Variants in TRAPPC9 observed in about 807,000 individuals in gnomAD.
TRAPPC9 encodes trafficking protein particle complex subunit 9, also known as IKK2 binding protein.
In TRAPPC9, 83 loss-of-function variants were observed where a neutral mutation model predicts 124.0. That is an observed-to-expected ratio of 0.67 (90% CI 0.56 to 0.80). The LOEUF is 0.80. TRAPPC9 is among the 30% of genes least tolerant of loss of function. The pLI is 0.00. For synonymous variants in TRAPPC9, 638 were observed against 617.5 expected (o/e 1.03, Z -0.49); for missense variants, 1,302 against 1,508.3 (o/e 0.86, Z 2.27).
chr8:140,349,583 C>G (rs1462756232), intron 9 of TRAPPC9, among the ~76,000 whole-genome samples: 1 of 152,148 alleles, frequency 6.6e-6, no homozygotes, highest in Non-Finnish European at 1.5e-5. Context: ...TACGGCATGT[C>G]TGCACACAGG....
chr8:140,335,431 T>TAA, intron 9 of TRAPPC9, among the ~76,000 whole-genome samples: 1 of 152,128 alleles, frequency 6.6e-6, no homozygotes, highest in Admixed American at 6.5e-5. Context: ...AACTTGGGGA[T>TAA]GACTGACAAA....
intron 21 of TRAPPC9, among the ~76,000 whole-genome samples, chr8:139,772,569 G>A (rs1466872343): frequency 2.6e-5 from 4 of 152,196 alleles, no homozygotes; most frequent in Admixed American, 2.6e-4. Context: ...GCCTTGCCTG[G>A]AGTCGGCTAC....
intron 19 of TRAPPC9, among the ~76,000 whole-genome samples, chr8:139,926,145 T>G (rs894738327): frequency 1.1e-4 from 16 of 152,194 alleles, no homozygotes; most frequent in African/African-American, 2.9e-4. Flanking sequence ...TGTTAAAAAT[T>G]AACCAAGTCA....
At chr8:139,981,074 C>T (rs4736126) in intron 19 of TRAPPC9, among the ~76,000 whole-genome samples, 60,745 of 152,112 alleles carry the variant, frequency 0.4, 13,008 homozygotes, top group South Asian at 0.47. Flanking sequence ...TTGAATTTCT[C>T]GAATCCAATT....
intron 17 of TRAPPC9, among the ~76,000 whole-genome samples, chr8:140,202,163 TAA>T (rs397698897): frequency 2.5e-4 from 34 of 135,776 alleles, no homozygotes; most frequent in Non-Finnish European, 2.5e-4. Context: ...CTTCTGTAAT[TAA>T]AAAAAAAAAA....
At chr8:140,324,896 T>C (rs995724641) in intron 9 of TRAPPC9, among the ~76,000 whole-genome samples, 12 of 152,198 alleles carry the variant, frequency 7.9e-5, no homozygotes, top group African/African-American at 2.6e-4. Flanking sequence ...ACCCCTCAAC[T>C]GCAGAATATA....
intron 7 of TRAPPC9, among the ~76,000 whole-genome samples, chr8:140,379,218 G>A (rs1177814989): frequency 6.6e-6 from 1 of 152,086 alleles, no homozygotes; most frequent in Non-Finnish European, 1.5e-5. Flanking sequence ...TGGTGTCCGA[G>A]GCAGGCCTGG....
chr8:139,968,672 G>A (rs781680132), intron 19 of TRAPPC9, among the ~76,000 whole-genome samples: 5 of 152,184 alleles, frequency 3.3e-5, no homozygotes, highest in East Asian at 1.9e-4. Flanking sequence ...TAAGTGGAGC[G>A]ACTACCACTT....
intron 18 of TRAPPC9, 29 bp from the exon 19 acceptor site, chr8:139,988,865 A>G: frequency 6.4e-6 from 9 of 1,410,608 alleles, no homozygotes; most frequent in Non-Finnish European, 8.8e-6. Flanking sequence ...AAAGTTCAGA[A>G]TCCTCTGACA....
intron 17 of TRAPPC9, among the ~76,000 whole-genome samples, chr8:140,054,398 C>A (rs1842183648): frequency 6.6e-6 from 1 of 151,952 alleles, no homozygotes; most frequent in Admixed American, 6.6e-5. Flanking sequence ...CATACCAAAA[C>A]CTATGGGATG....
At chr8:139,991,574 T>G (rs1283627468) in intron 18 of TRAPPC9, among the ~76,000 whole-genome samples, 1 of 148,786 alleles carries the variant, frequency 6.7e-6, no homozygotes, top group Non-Finnish European at 1.5e-5. Flanking sequence ...AATTCTTGTT[T>G]GCTTTTTGGG....
intron 16 of TRAPPC9, among the ~76,000 whole-genome samples, chr8:140,251,594 T>C (rs889361110): frequency 1.3e-5 from 2 of 152,220 alleles, no homozygotes; most frequent in African/African-American, 4.8e-5. Flanking sequence ...AGGGCGTCTG[T>C]TAGGGACTGA....
At chr8:139,862,646 C>A (rs761001280) in intron 21 of TRAPPC9, among the ~76,000 whole-genome samples, 6 of 152,246 alleles carry the variant, frequency 3.9e-5, no homozygotes, top group Non-Finnish European at 8.8e-5. Flanking sequence ...TGCTACCAGA[C>A]CTCTCTTCCT....
At chr8:140,395,811 C>T (rs557398888) in intron 7 of TRAPPC9, among the ~76,000 whole-genome samples, 1 of 152,082 alleles carries the variant, frequency 6.6e-6, no homozygotes, top group Non-Finnish European at 1.5e-5. Context: ...ACACCTCTCT[C>T]GTTATGTGAG....
Position 139,729,913 on chromosome 8 carries a change from C to T in TRAPPC9, c.*1148G>A, listed in dbSNP as rs1054822178. On this transcript the variant is annotated 3_prime_UTR_variant, in exon 23 of 23. Coordinates refer to ENST00000438773, the MANE Select transcript of TRAPPC9 (RefSeq NM_001160372.4). ...CCTGGTATCTGCTGGGGACCAAGGG[C>T]TGTTTATCCTCCCTGGGACCTGGGG... Among the ~76,000 whole-genome samples, 1 of 152,200 alleles carries T rather than the reference C, an allele frequency of 6.6e-6. No homozygotes were observed. Among genetic ancestry groups the T allele is most frequent in the Non-Finnish European group, 1.5e-5 (1 of 68,034 alleles).
In TRAPPC9 at chr8:139,959,182, G is replaced by A. The variant is rs181751854; in HGVS notation, c.2810+29544C>T. On this transcript the variant is annotated intron_variant, in intron 19 of 22. Transcript: ENST00000438773. ...GCAGATCATTTAACCACAGTTACCCGTGTGTAAAATAAGGTTATAGACAGT... is the reference window on the plus strand; with the variant it reads ...GCAGATCATTTAACCACAGTTACCCATGTGTAAAATAAGGTTATAGACAGT... 9.2e-5 allele frequency among the ~76,000 whole-genome samples: 14 copies of A among 152,364 alleles called. No individual in the cohort carries two copies. In the East Asian group the frequency reaches 1.7e-3, roughly 19 times the overall value.
chr8:140,366,868 A>T (rs1412816702), intron 8 of TRAPPC9, among the ~76,000 whole-genome samples: 1 of 152,220 alleles, frequency 6.6e-6, no homozygotes, highest in Non-Finnish European at 1.5e-5. Flanking sequence ...AAAAACTCTT[A>T]AAGTCAACAG....
At chr8:140,055,862 G>T (rs1427395031) in intron 17 of TRAPPC9, among the ~76,000 whole-genome samples, 1 of 151,852 alleles carries the variant, frequency 6.6e-6, no homozygotes, top group African/African-American at 2.4e-5. Context: ...AGATACAAAT[G>T]AATACAAGGA....
intron 19 of TRAPPC9, among the ~76,000 whole-genome samples, chr8:139,955,779 G>A (rs898369424): frequency 2.4e-4 from 37 of 152,262 alleles, no homozygotes; most frequent in African/African-American, 8.2e-4. Context: ...TGAGGGCTGT[G>A]CTAACATTCT....
Sources: gnomAD v4.1 joint callset for allele counts (sites outside exome capture counted in the v4.1 genomes callset) on GRCh38, gnomAD v4.1.1 for gene constraint, MANE v1.5 for transcripts, NCBI Gene and HGNC (gene_info 2026-07-23, HGNC 2026-07-21) for gene names.